Variants in SEC23A observed in about 807,000 individuals in gnomAD.
SEC23A encodes the protein SEC23 homolog A, COPII component.
A neutral mutation model predicts 103.7 loss-of-function variants in SEC23A; 56 were observed. That is an observed-to-expected ratio of 0.54 (90% CI 0.44 to 0.67). The LOEUF (loss-of-function observed/expected upper bound fraction) is 0.67. Ranked by LOEUF, SEC23A falls within the 30% of genes least tolerant of loss-of-function variation. The pLI is 0.00. For synonymous variants in SEC23A, 281 were observed against 293.0 expected, an observed-to-expected ratio of 0.96 and a Z score of 0.42; for missense variants, 784 against 936.4, an observed-to-expected ratio of 0.84 and a Z score of 2.12.
chr14:39,099,719 G>A (rs1439561663), intron 1 of SEC23A, among the ~76,000 whole-genome samples: 2 of 152,096 alleles, frequency 1.3e-5, no homozygotes, highest in African/African-American at 4.8e-5. Flanking sequence ...AGGTAACAAA[G>A]TACAAAAAGG....
At chr14:39,035,271 G>A (rs1013521458) in intron 19 of SEC23A, among the ~76,000 whole-genome samples, 1 of 152,110 alleles carries the variant, frequency 6.6e-6, no homozygotes, top group Non-Finnish European at 1.5e-5. Flanking sequence ...TTAAAATATT[G>A]ACATCATTAC....
At chr14:39,100,722 C>T (rs1275568894) in intron 1 of SEC23A, among the ~76,000 whole-genome samples, 1 of 151,708 alleles carries the variant, frequency 6.6e-6, no homozygotes, top group African/African-American at 2.4e-5. Context: ...CACAAACTAG[C>T]TTTTCATAAC....
rs554803680 is a variant in SEC23A at position 39,045,425 on chromosome 14, C to T, written c.1738-101G>A. The stretch of plus-strand genomic sequence containing the variant: ...TGATTACAAACTATTAACAACATAA[C>T]AAAACATGTTATTATAAGAATGTTC... On this transcript the variant is annotated intron_variant, in intron 15 of 19. Coordinates refer to ENST00000307712, the MANE Select transcript of SEC23A (RefSeq NM_006364.4). 4.5e-5 allele frequency: 36 copies of T among 795,228 alleles called. No individual in the cohort carries two copies. In the Middle Eastern group the frequency reaches 1.0e-3, roughly 23 times the overall value. 49.3% of individuals were successfully genotyped at this position (795,228 alleles called of 1,614,324 possible). A position where few individuals can be genotyped will look rare whatever the true frequency, so the allele number is the denominator to read the frequency against.
chr14:39,039,094 G>A lies in SEC23A; in HGVS notation c.2145C>T (p.Ala715=). 2.5e-6 allele frequency: 4 copies of A among 1,613,046 alleles called. No individual in the cohort carries two copies. Among genetic ancestry groups the A allele is most frequent in the Non-Finnish European group, 3.4e-6 (4 of 1,179,252 alleles). The change falls in exon 19 of 20, where the codon GCC becomes GCT. Residue 715 remains alanine (A), a splice_region_variant and synonymous_variant. Transcript: ENST00000307712. ...GGTTGACTTTTGAAAGGAGGAAACG[G>A]GCCTTAAAAGCAAAGAAGAAATAAC... The part of the protein sequence containing the change: ...YIDTEHGGSQ[A]RFLLSKVNPS...
intron 13 of SEC23A, among the ~76,000 whole-genome samples, chr14:39,056,043 C>A (rs1177917190): frequency 6.6e-6 from 1 of 152,234 alleles, no homozygotes; most frequent in Admixed American, 6.5e-5. Flanking sequence ...TAGCAGGAGT[C>A]ACACATAAGC....
chr14:39,049,447 G>A (rs1444906919), intron 14 of SEC23A, among the ~76,000 whole-genome samples: 2 of 150,856 alleles, frequency 1.3e-5, no homozygotes, highest in Non-Finnish European at 2.9e-5. Context: ...CTGGACTCCA[G>A]CCTGGGTGGC....
chr14:39,055,281 T>C lies in SEC23A; in HGVS notation c.1521A>G (p.Gln507=). 6.2e-7 allele frequency: 1 copy of C among 1,614,162 alleles called. No individual in the cohort carries two copies. Among genetic ancestry groups the C allele is most frequent in the Non-Finnish European group, 8.5e-7 (1 of 1,180,016 alleles). ...TTIARNWADA[Q]TQIQNIAASF... is the part of the protein sequence containing the mutation. ...ATGCAGCAATGTTTTGGATTTGAGT[T>C]TGAGCATCTGCCCAGCTGAAGACAA... Residue 507 remains glutamine, a synonymous_variant, in exon 14 of 20, where the codon CAA becomes CAG. Transcript: ENST00000307712.
intron 13 of SEC23A, 62 bp from the exon 14 acceptor site, chr14:39,055,358 G>A: frequency 6.5e-7 from 1 of 1,526,934 alleles, no homozygotes. Context: ...TATCATAGTT[G>A]GCTACCACAC....
At chr14:39,092,926 C>A (rs1566513312) in intron 3 of SEC23A, 1 of 482,010 alleles carries the variant, frequency 2.1e-6, no homozygotes, top group Non-Finnish European at 3.7e-6. Context: ...TAGAGTGGTG[C>A]AATCTCGGCT....
At chr14:39,100,488 C>T (rs1026556532) in intron 1 of SEC23A, among the ~76,000 whole-genome samples, 1 of 151,436 alleles carries the variant, frequency 6.6e-6, no homozygotes, top group Non-Finnish European at 1.5e-5. Flanking sequence ...TCTCGGCTCA[C>T]CGCAAACTCC....
At chr14:39,068,944 GT>G (rs1886758655) in intron 9 of SEC23A, among the ~76,000 whole-genome samples, 1 of 151,880 alleles carries the variant, frequency 6.6e-6, no homozygotes, top group Non-Finnish European at 1.5e-5. Context: ...ATTAAACTTT[GT>G]ACACTGACCT....
intron 9 of SEC23A, among the ~76,000 whole-genome samples, chr14:39,073,080 G>A (rs1886892349): frequency 6.6e-6 from 1 of 152,114 alleles, no homozygotes; most frequent in South Asian, 2.1e-4. Context: ...GCCAAAAAGT[G>A]GAAATGAAAT....
intron 14 of SEC23A, among the ~76,000 whole-genome samples, chr14:39,049,252 C>A (rs556116745): frequency 2.0e-5 from 3 of 151,206 alleles, no homozygotes; most frequent in Non-Finnish European, 2.9e-5. Flanking sequence ...CCAAGGCGGG[C>A]GGATCACAAG....
intron 10 of SEC23A, among the ~76,000 whole-genome samples, chr14:39,065,474 G>A (rs1257538363): frequency 6.6e-6 from 1 of 151,916 alleles, no homozygotes; most frequent in Non-Finnish European, 1.5e-5. Flanking sequence ...GACATATGCA[G>A]AATACCACTG....
intron 17 of SEC23A, 101 bp from the exon 18 acceptor site, chr14:39,040,988 A>G: frequency 7.3e-7 from 1 of 1,371,910 alleles, no homozygotes; most frequent in South Asian, 1.4e-5. Context: ...TAAAAAAATT[A>G]TAGACCATTA....
intron 10 of SEC23A, among the ~76,000 whole-genome samples, chr14:39,066,619 C>T (rs888518809): frequency 1.3e-5 from 2 of 152,066 alleles, no homozygotes; most frequent in Non-Finnish European, 2.9e-5. Context: ...AATCTCAGCA[C>T]TTTGGAAAGC....
chr14:39,034,500 A>G (rs1885400695), intron 19 of SEC23A, among the ~76,000 whole-genome samples: 1 of 152,248 alleles, frequency 6.6e-6, no homozygotes, highest in Non-Finnish European at 1.5e-5. Flanking sequence ...ACAGAAAAGC[A>G]CAAGTCTCAA....
intron 7 of SEC23A, among the ~76,000 whole-genome samples, chr14:39,084,048 G>A (rs138468927): frequency 0.046 from 7,066 of 152,056 alleles, 261 homozygotes; most frequent in Middle Eastern, 0.096. Context: ...TTGAGATGGA[G>A]TCTCTCTCTG....
At chr14:39,082,077 T>C (rs1197580302) in intron 7 of SEC23A, among the ~76,000 whole-genome samples, 2 of 152,008 alleles carry the variant, frequency 1.3e-5, no homozygotes, top group Non-Finnish European at 2.9e-5. Flanking sequence ...TAAGCAAACA[T>C]GCGGCATTTA....
Sources: gnomAD v4.1 joint callset for allele counts (sites outside exome capture counted in the v4.1 genomes callset) on GRCh38, gnomAD v4.1.1 for gene constraint, MANE v1.5 for transcripts, NCBI Gene and HGNC (gene_info 2026-07-23, HGNC 2026-07-21) for gene names.